The following GALNT12 variants were observed in gnomAD, a reference collection of about 807,000 sequenced individuals.
GALNT12 encodes polypeptide N-acetylgalactosaminyltransferase 12.
In GALNT12, 45 loss-of-function variants were observed where a neutral mutation model predicts 55.5. That is an observed-to-expected ratio of 0.81 (90% CI 0.64 to 1.04). The LOEUF (loss-of-function observed/expected upper bound fraction) is 1.04, where lower values mean the gene tolerates loss of function less well. Among genes scored for constraint, GALNT12 ranks in the 50% least tolerant of loss-of-function variants. The pLI, the probability that GALNT12 is intolerant of heterozygous loss-of-function variation, is 0.00. For missense variants in GALNT12, 709 were observed against 754.8 expected (o/e 0.94, Z 0.71); for synonymous variants, 304 against 312.2 (o/e 0.97, Z 0.28).
rs935498238 is a variant in GALNT12, at chr9:98,841,837, A to ATT, written c.1344+1715_1344+1716dup. On this transcript the variant is annotated intron_variant, in intron 7 of 9. Coordinates refer to ENST00000375011, the MANE Select transcript of GALNT12 (RefSeq NM_024642.5). ...AGGCACCTGCCACCATGCCTGGCTA[A>ATT]TTTTTTTTTTTTGTATTTTTAGCAG... is the stretch of plus-strand genomic sequence containing the variant. Among the ~76,000 whole-genome samples, 292 of 145,892 alleles carry ATT rather than the reference A, an allele frequency of 2.0e-3. 2 individuals are homozygous for ATT. Among genetic ancestry groups the ATT allele is most frequent in the African/African-American group, 7.0e-3 (280 of 39,992 alleles).
chr9:98,816,101 C>T (rs965691103), intron 1 of GALNT12, among the ~76,000 whole-genome samples: 4 of 151,932 alleles, frequency 2.6e-5, no homozygotes, highest in Non-Finnish European at 4.4e-5. Context: ...TCTTCTTGTT[C>T]GACATTGAAA....
rs1835406027 is a variant in GALNT12 at position 98,807,750 on chromosome 9, C to G, written c.52C>G (p.Arg18Gly). Residue 18 changes from arginine to glycine, a missense_variant, in exon 1 of 10, where the codon CGG becomes GGG. Around this residue, in one of 5 missense-constraint regions of GALNT12, gnomAD observed 110 missense variants for 102.2 expected, o/e 1.08. Transcript: ENST00000375011. ...CTGCCCGCGGGAACTGCGGCGCGGCCGGGAGGCGCTGTTGGTGCTCCTGGC... is the reference window on the plus strand; with the variant it reads ...CTGCCCGCGGGAACTGCGGCGCGGCGGGGAGGCGCTGTTGGTGCTCCTGGC... The part of the protein sequence containing the change: ...RRCPRELRRG[R>G]EALLVLLALL... 3 of 1,185,250 alleles carry G rather than the reference C, an allele frequency of 2.5e-6. No individual in the cohort carries two copies. The highest frequency in any genetic ancestry group is 9.9e-5 in the East Asian group (2 of 20,208). 73.4% of individuals were successfully genotyped at this position (1,185,250 alleles called of 1,614,324 possible). A position where few individuals can be genotyped will look rare whatever the true frequency, so the allele number is the denominator to read the frequency against.
chr9:98,824,829 C>A (rs1196488518), intron 2 of GALNT12, among the ~76,000 whole-genome samples: 1 of 152,164 alleles, frequency 6.6e-6, no homozygotes, highest in Admixed American at 6.5e-5. Flanking sequence ...TAGGACAGAA[C>A]CTCATGTAGC....
In GALNT12 at chr9:98,826,798, G is replaced by C; in HGVS notation, c.588G>C (p.Lys196Asn). The change falls in exon 3 of 10, where the codon AAG (lysine) becomes AAC (asparagine). Residue 196 changes from lysine to asparagine, a missense_variant. This residue lies in a region of GALNT12 where 315 missense variants were observed against 288.6 expected (regional missense o/e 1.09). Transcript: ENST00000375011. ...CCAATGAGCTTTCGGGACTGCCCAA[G>C]GTGCGCCTGATCCGCGCCAACAAGA... ...RLANELSGLP[K>N]VRLIRANKRE... 6.2e-7 allele frequency: 1 copy of C among 1,612,094 alleles called. No individual in the cohort carries two copies. The highest frequency in any genetic ancestry group is 8.5e-7 in the Non-Finnish European group (1 of 1,179,850).
At chr9:98,829,852 A>G (rs1054639861) in intron 3 of GALNT12, among the ~76,000 whole-genome samples, 7 of 152,238 alleles carry the variant, frequency 4.6e-5, no homozygotes, top group South Asian at 2.1e-4. Flanking sequence ...TATGTACCAC[A>G]TATCCTTTAT....
At position 98,849,133 on chromosome 9, in the gene GALNT12, G is replaced by C. The variant is rs757943620; in HGVS notation, c.*41G>C. ...GGAGCCCATCGAAGGAGACTGTGGA[G>C]CCAGGACTCTGCCCAACAAAGACTT... On this transcript the variant is annotated 3_prime_UTR_variant, in exon 10 of 10. Transcript: ENST00000375011. 2 of 1,610,300 alleles carry C rather than the reference G, an allele frequency of 1.2e-6. No individual in the cohort carries two copies. Among genetic ancestry groups the C allele is most frequent in the East Asian group, 2.2e-5 (1 of 44,858 alleles).
At chr9:98,848,814 TGC>T in intron 9 of GALNT12, 136 bp from the exon 10 acceptor site, 1 of 999,936 alleles carries the variant, frequency 1.0e-6, no homozygotes, top group Non-Finnish European at 1.5e-6. Flanking sequence ...CCTGAGTTGC[TGC>T]GTTACACGGA....
At chr9:98,840,579 G>A (rs557127968) in intron 7 of GALNT12, among the ~76,000 whole-genome samples, 1 of 152,326 alleles carries the variant, frequency 6.6e-6, no homozygotes, top group Admixed American at 6.5e-5. Context: ...AAAATGTCCA[G>A]TGTCTTTTGT....
rs374994372 is a variant in GALNT12, at chr9:98,808,027, G to A, written c.329G>A (p.Arg110His). The change falls in exon 1 of 10, where the codon CGC becomes CAC. Residue 110 changes from arginine to histidine, a missense_variant. By Grantham distance (29) the Arg-to-His change is conservative. Coordinates refer to ENST00000375011, the MANE Select transcript of GALNT12 (RefSeq NM_024642.5). ...CAGATTAACATCTACCTCAGCGACC[G>A]CATCTCACTGCACCGCCGCCTGCCC... is the stretch of plus-strand genomic sequence containing the variant. The part of the protein sequence containing the change: ...LHQINIYLSD[R>H]ISLHRRLPER... 104 of 1,574,710 alleles carry A rather than the reference G, an allele frequency of 6.6e-5. 1 individual carries two copies. In the East Asian group the frequency reaches 2.0e-3, roughly 30 times the overall value.
intron 3 of GALNT12, 88 bp downstream of exon 3, chr9:98,827,029 AACGGGTT>A: frequency 7.1e-7 from 1 of 1,411,956 alleles, no homozygotes; most frequent in South Asian, 1.2e-5. Context: ...CTTGAGGGTT[AACGGGTT>A]GCCTGGGCTC....
At chr9:98,819,174 C>G (rs1370321894) in intron 1 of GALNT12, among the ~76,000 whole-genome samples, 1 of 152,222 alleles carries the variant, frequency 6.6e-6, no homozygotes, top group Non-Finnish European at 1.5e-5. Flanking sequence ...CATACTGTTT[C>G]TCCTGCATTT....
rs10116756 is a variant in GALNT12, at chr9:98,837,326, C to G, written c.1212+178C>G. 0.31 allele frequency among the ~76,000 whole-genome samples: 47,730 copies of G among 151,978 alleles called. 7,901 individuals are homozygous for G. Among genetic ancestry groups the G allele is most frequent in the East Asian group, 0.48 (2,478 of 5,164 alleles). On this transcript the variant is annotated intron_variant, in intron 6 of 9. Coordinates refer to ENST00000375011, the MANE Select transcript of GALNT12 (RefSeq NM_024642.5). ...TAATAATTATATGCAGTCAAATCTT[C>G]TTATTTACAGCTGTTATAGTGCATA...
intron 4 of GALNT12, among the ~76,000 whole-genome samples, chr9:98,832,242 G>A (rs1836016665): frequency 6.6e-6 from 1 of 152,186 alleles, no homozygotes; most frequent in East Asian, 1.9e-4. Flanking sequence ...ATTTTAGGCT[G>A]AGCATGGTGG....
chr9:98,832,063 C>T (rs1836012910), intron 4 of GALNT12, 106 bp downstream of exon 4: 2 of 931,992 alleles, frequency 2.1e-6, no homozygotes, highest in East Asian at 2.6e-5. Flanking sequence ...GTCAGCTTAA[C>T]TACCTCCCCT....
chr9:98,848,953 A>T lies in GALNT12; in HGVS notation c.1607A>T (p.Asp536Val), dbSNP rs749758074. Residue 536 changes from aspartate (D) to valine (V), a missense_variant and splice_region_variant, in exon 10 of 10, where the codon GAT becomes GTT. Asp to Val is a radical substitution (Grantham distance 152). This residue lies in a region of GALNT12 where 262 missense variants were observed against 310.7 expected (regional missense o/e 0.84). Transcript: ENST00000375011. ...PENQKFILQEDGSLFHEQSKK... is the reference protein window; with the variant it reads ...PENQKFILQEVGSLFHEQSKK... ...CTGTCATTCTGTTATCTTTTGTAGG[A>T]TGGATCTTTATTTCACGAACAGTCC... 6 of 1,614,116 alleles carry T rather than the reference A, an allele frequency of 3.7e-6. No individual in the cohort carries two copies. Among genetic ancestry groups the T allele is most frequent in the East Asian group, 4.5e-5 (2 of 44,902 alleles).
At chr9:98,844,453 T>C in intron 8 of GALNT12, 1 of 497,668 alleles carries the variant, frequency 2.0e-6, no homozygotes, top group South Asian at 2.2e-5. Context: ...TATATTCCAT[T>C]ATTTCCATTC....
chr9:98,814,290 A>G (rs1460894177), intron 1 of GALNT12, among the ~76,000 whole-genome samples: 1 of 152,202 alleles, frequency 6.6e-6, no homozygotes, highest in East Asian at 1.9e-4. Flanking sequence ...AAGAAAGGAG[A>G]AAGGATTCTA....
chr9:98,846,554 C>A (rs924336883), intron 9 of GALNT12, among the ~76,000 whole-genome samples: 11 of 152,014 alleles, frequency 7.2e-5, no homozygotes, highest in African/African-American at 2.7e-4. Flanking sequence ...CCTTGTTTTT[C>A]CCAGCTTTAA....
chr9:98,834,000 T>C (rs1836067249), intron 4 of GALNT12, among the ~76,000 whole-genome samples: 1 of 152,178 alleles, frequency 6.6e-6, no homozygotes, highest in Non-Finnish European at 1.5e-5. Context: ...TCTAGAACCT[T>C]CCCTTCCACT....
Sources: gnomAD v4.1 joint callset for allele counts (sites outside exome capture counted in the v4.1 genomes callset) on GRCh38, gnomAD v4.1.1 for gene constraint, gnomAD v4.1.1 regional missense constraint, MANE v1.5 for transcripts, NCBI Gene and HGNC (gene_info 2026-07-23, HGNC 2026-07-21) for gene names.